YWHAQ: variants seen among roughly 807,000 people sequenced by gnomAD.
The protein encoded by YWHAQ is 14-3-3 protein theta.
Under a neutral mutation model 28.3 loss-of-function variants are expected in YWHAQ, and 6 were observed. That is an observed-to-expected ratio of 0.21 (90% CI 0.12 to 0.42). The LOEUF is 0.42. YWHAQ is among the 10% of genes least tolerant of loss of function. YWHAQ has a pLI of 1.00. For missense variants in YWHAQ, 201 were observed against 305.6 expected (o/e 0.66, Z 2.55); for synonymous variants, 143 against 119.1 (o/e 1.20, Z -1.31).
intron 2 of YWHAQ, among the ~76,000 whole-genome samples, chr2:9,611,704 T>C (rs1666951049): frequency 6.6e-6 from 1 of 152,152 alleles, no homozygotes; most frequent in African/African-American, 2.4e-5. Context: ...GGTCTCACTG[T>C]GTCACCCAGA....
At chr2:9,605,355 T>C (rs1666801993) in intron 2 of YWHAQ, among the ~76,000 whole-genome samples, 1 of 152,082 alleles carries the variant, frequency 6.6e-6, no homozygotes, top group East Asian at 1.9e-4. Flanking sequence ...CCCAGGCTGG[T>C]AACTACTGAG....
In YWHAQ at chr2:9,591,518, G is replaced by A. The variant is rs1229626280; in HGVS notation, c.295-3C>T. ...ATTAAATATTTATCCAACAATTCCT[G>A]AAATAAATAAGACAGAACATTAGGC... is the stretch of plus-strand genomic sequence containing the variant. On this transcript the variant is annotated splice_polypyrimidine_tract_variant and splice_region_variant and intron_variant, in intron 2 of 5. Coordinates refer to ENST00000238081, the MANE Select transcript of YWHAQ (RefSeq NM_006826.4). 17 of 1,604,864 alleles carry A rather than the reference G, an allele frequency of 1.1e-5. No homozygotes were observed. Among genetic ancestry groups the A allele is most frequent in the Non-Finnish European group, 1.4e-5 (16 of 1,173,324 alleles).
chr2:9,614,333 C>T (rs1667005277), intron 2 of YWHAQ, among the ~76,000 whole-genome samples: 1 of 152,206 alleles, frequency 6.6e-6, no homozygotes, highest in African/African-American at 2.4e-5. Flanking sequence ...ACGCCAAAGT[C>T]TATACACACT....
chr2:9,612,838 A>G (rs559910052), intron 2 of YWHAQ, among the ~76,000 whole-genome samples: 4 of 152,222 alleles, frequency 2.6e-5, no homozygotes, highest in Non-Finnish European at 4.4e-5. Context: ...ATGCAGCACT[A>G]TTAGAGTGAC....
intron 2 of YWHAQ, chr2:9,615,339 C>T (rs1368294963): frequency 6.6e-6 from 1 of 151,880 alleles, no homozygotes; most frequent in Non-Finnish European, 1.5e-5. Flanking sequence ...TTCTACTCTT[C>T]CCCCTTTCTC....
chr2:9,593,600 G>T (rs1456584291), intron 2 of YWHAQ, among the ~76,000 whole-genome samples: 2 of 151,556 alleles, frequency 1.3e-5, no homozygotes, highest in African/African-American at 4.9e-5. Context: ...GCAGAGGCAA[G>T]AGGATTGCCT....
chr2:9,607,428 C>T (rs974138428), intron 2 of YWHAQ, among the ~76,000 whole-genome samples: 1 of 150,704 alleles, frequency 6.6e-6, no homozygotes, highest in Non-Finnish European at 1.5e-5. Flanking sequence ...AGGCTAATCT[C>T]GAACTCCTGA....
intron 2 of YWHAQ, among the ~76,000 whole-genome samples, chr2:9,602,903 A>ATATATATATATATATATAT (rs1666744884): frequency 9.0e-6 from 1 of 111,150 alleles, no homozygotes; most frequent in Non-Finnish European, 1.8e-5. Flanking sequence ...ATATATATAT[A>ATATATATATATATATATAT]GTAGGGACAC....
At chr2:9,600,249 T>C (rs1666661882) in intron 2 of YWHAQ, among the ~76,000 whole-genome samples, 1 of 152,230 alleles carries the variant, frequency 6.6e-6, no homozygotes, top group Admixed American at 6.5e-5. Context: ...GATCTACTTC[T>C]GGTGAAGATG....
chr2:9,615,590 T>C (rs1667026370), intron 2 of YWHAQ, among the ~76,000 whole-genome samples: 1 of 152,208 alleles, frequency 6.6e-6, no homozygotes. Flanking sequence ...ATGGTAATGA[T>C]TGAGTGAAGA....
chr2:9,592,971 T>C (rs1666487556), intron 2 of YWHAQ, among the ~76,000 whole-genome samples: 1 of 152,178 alleles, frequency 6.6e-6, no homozygotes, highest in Admixed American at 6.5e-5. Flanking sequence ...AGTGAACGTT[T>C]TAAAGCAGGG....
intron 2 of YWHAQ, among the ~76,000 whole-genome samples, chr2:9,606,561 G>C (rs368204424): frequency 1.3e-5 from 2 of 152,030 alleles, no homozygotes; most frequent in African/African-American, 4.8e-5. Flanking sequence ...ACGGAGTCTC[G>C]CTCTGTTGCC....
chr2:9,593,075 A>C (rs1666488944), intron 2 of YWHAQ, among the ~76,000 whole-genome samples: 1 of 152,212 alleles, frequency 6.6e-6, no homozygotes, highest in Non-Finnish European at 1.5e-5. Flanking sequence ...CAAGTTGGCA[A>C]GTCTGGAGAA....
chr2:9,591,827 T>C (rs938203226), intron 2 of YWHAQ, among the ~76,000 whole-genome samples: 2 of 152,254 alleles, frequency 1.3e-5, no homozygotes, highest in African/African-American at 4.8e-5. Flanking sequence ...TACTCATACC[T>C]GCTAGGTGCT....
chr2:9,599,974 T>C (rs927982610), intron 2 of YWHAQ, among the ~76,000 whole-genome samples: 1 of 152,140 alleles, frequency 6.6e-6, no homozygotes, highest in African/African-American at 2.4e-5. Context: ...TTAAGAAGAT[T>C]TGTGATTCAT....
chr2:9,612,947 A>G (rs1666978748), intron 2 of YWHAQ, among the ~76,000 whole-genome samples: 1 of 152,200 alleles, frequency 6.6e-6, no homozygotes, highest in South Asian at 2.1e-4. Context: ...ATTTACCAAC[A>G]AACAATAAAC....
intron 2 of YWHAQ, among the ~76,000 whole-genome samples, chr2:9,598,428 T>G (rs975480569): frequency 6.6e-6 from 1 of 152,202 alleles, no homozygotes; most frequent in Non-Finnish European, 1.5e-5. Context: ...TGTCTTTTGC[T>G]CTACTGCTCT....
chr2:9,592,586 G>A (rs1368280921), intron 2 of YWHAQ, among the ~76,000 whole-genome samples: 9 of 151,952 alleles, frequency 5.9e-5, no homozygotes, highest in South Asian at 2.1e-4. Context: ...TTAGCCAAGC[G>A]TGATGGTGGG....
At chr2:9,597,983 C>A (rs1666609935) in intron 2 of YWHAQ, among the ~76,000 whole-genome samples, 2 of 79,090 alleles carry the variant, frequency 2.5e-5, no homozygotes, top group South Asian at 3.3e-4. Flanking sequence ...CCATGCCGGG[C>A]TATTTTTTTT....
Sources: gnomAD v4.1 joint callset for allele counts (sites outside exome capture counted in the v4.1 genomes callset) on GRCh38, gnomAD v4.1.1 for gene constraint, MANE v1.5 for transcripts, NCBI Gene and HGNC (gene_info 2026-07-23, HGNC 2026-07-21) for gene names.